ATRX: variants seen among roughly 807,000 people sequenced by gnomAD.
The protein encoded by ATRX is ATRX chromatin remodeler, also known as chromatin remodeler ATRX.
ATRX carries 12 observed loss-of-function variants against 172.6 expected under a neutral mutation model. That is an observed-to-expected ratio of 0.07 (90% confidence interval 0.04 to 0.11). ATRX has a LOEUF of 0.11. ATRX is among the 10% of genes least tolerant of loss of function. The probability of loss-of-function intolerance (pLI) is 1.00; values close to 1 mark genes in which losing one functional copy is unlikely to be tolerated. For synonymous variants in ATRX, 674 were observed against 594.7 expected, an observed-to-expected ratio of 1.13 and a Z score of -1.94; for missense variants, 1,368 against 1,767.4, an observed-to-expected ratio of 0.77 and a Z score of 4.05.
intron 34 of ATRX, among the ~76,000 whole-genome samples, chrX:77,513,955 C>G (rs968023959): frequency 2.7e-5 from 3 of 110,550 alleles, no homozygotes; most frequent in Non-Finnish European, 5.7e-5. Context: ...CATTCCTATA[C>G]ACCAACAAAA....
intron 15 of ATRX, among the ~76,000 whole-genome samples, chrX:77,637,027 AAGGAAGGAGG>A (rs1250428293): frequency 6.9e-5 from 7 of 101,808 alleles, no homozygotes; most frequent in Admixed American, 2.1e-4. Flanking sequence ...GAGGAAGAAG[AAGGAAGGAGG>A]AGGAAGGAGG....
chrX:77,626,039 A>G (rs1451828346), intron 19 of ATRX, among the ~76,000 whole-genome samples: 1 of 8,709 alleles, frequency 1.1e-4, no homozygotes, highest in African/African-American at 5.1e-4. Context: ...ATATATATAT[A>G]TATATATATA....
rs782052304 is a variant in ATRX at position 77,552,167 on chromosome X, G to A, written c.6699+5284C>T. On this transcript the variant is annotated intron_variant, in intron 30 of 34. Coordinates refer to ENST00000373344, the MANE Select transcript of ATRX (RefSeq NM_000489.6). Reference sequence around the variant, plus strand: ...ATCATGCTGCTAGAAAAACACATGCGCATGTATGTTTACTATTCACAATAG... The same window carrying A: ...ATCATGCTGCTAGAAAAACACATGCACATGTATGTTTACTATTCACAATAG... Among the ~76,000 whole-genome samples, 17 of 110,346 alleles carry A rather than the reference G, an allele frequency of 1.5e-4. No homozygotes were observed. The East Asian group carries it at 2.9e-3, about 19-fold the overall frequency.
At chrX:77,729,557 T>C (rs2074209960) in intron 1 of ATRX, among the ~76,000 whole-genome samples, 1 of 112,424 alleles carries the variant, frequency 8.9e-6, no homozygotes, top group Non-Finnish European at 1.9e-5. Context: ...ATCATTTTTC[T>C]AAGATTCTTC....
At chrX:77,717,035 A>T in intron 2 of ATRX, 96 bp downstream of exon 2, 2 of 736,520 alleles carry the variant, frequency 2.7e-6, no homozygotes, top group East Asian at 3.3e-5. Flanking sequence ...CTCTTTTAAA[A>T]GCTGCTCTCT....
chrX:77,741,262 C>T (rs1329347379), intron 1 of ATRX, among the ~76,000 whole-genome samples: 1 of 109,743 alleles, frequency 9.1e-6, no homozygotes, highest in Non-Finnish European at 1.9e-5. Context: ...CTATTGAAGG[C>T]CTTTGTTCAT....
chrX:77,555,711 G>T (rs781976548), intron 30 of ATRX, among the ~76,000 whole-genome samples: 78 of 110,248 alleles, frequency 7.1e-4, no homozygotes, highest in Admixed American at 3.9e-4. Flanking sequence ...GTCAGGGGGT[G>T]GGGGGAAAGG....
Position 77,765,220 on chromosome X carries a change from T to C in ATRX, c.20+20762A>G, listed in dbSNP as rs143741056. Among the ~76,000 whole-genome samples the C allele has an allele frequency of 2.3e-3, 262 of 111,827 alleles. 2 individuals are homozygous for C. The highest frequency in any genetic ancestry group is 7.9e-3 in the African/African-American group (245 of 30,874). ...ACAAAAAAACTATGTCAATGACAAA[T>C]TGCATACTCTTAGAAAACCCCCTTA... is the stretch of plus-strand genomic sequence containing the variant. On this transcript the variant is annotated intron_variant, in intron 1 of 34. Coordinates refer to ENST00000373344, the MANE Select transcript of ATRX (RefSeq NM_000489.6).
chrX:77,512,906 C>T (rs2062919707), intron 34 of ATRX, among the ~76,000 whole-genome samples: 2 of 110,637 alleles, frequency 1.8e-5, no homozygotes, highest in African/African-American at 6.6e-5. Context: ...AACATACAAC[C>T]ACAGAAAATT....
intron 2 of ATRX, chrX:77,699,611 T>C (rs1054743796): frequency 1.8e-5 from 2 of 111,284 alleles, no homozygotes; most frequent in Admixed American, 1.9e-4. Flanking sequence ...AAGAGGACAT[T>C]ACTACTAATC....
intron 19 of ATRX, among the ~76,000 whole-genome samples, chrX:77,623,769 A>C (rs2067695905): frequency 1.8e-5 from 2 of 111,961 alleles, no homozygotes; most frequent in South Asian, 7.4e-4. Context: ...AATAAATGTG[A>C]TACACCACAT....
At position 77,521,762 on chromosome X, in the gene ATRX, G is replaced by A. The variant is rs3027527; in HGVS notation, c.6976-264C>T. 1,178 of 266,203 alleles carry A rather than the reference G, an allele frequency of 4.4e-3. 15 individuals carry two copies. The highest frequency in any genetic ancestry group is 0.03 in the African/African-American group (1,103 of 36,277). 21.9% of individuals were successfully genotyped at this position (266,203 alleles called of 1,213,427 possible). A position where few individuals can be genotyped will look rare whatever the true frequency, so the allele number is the denominator to read the frequency against. ...AGAATCCATAAGCACATTTTATAAT[G>A]TGTTTCAGATTCAATTAAGTCATTA... On this transcript the variant is annotated intron_variant, in intron 32 of 34. Coordinates refer to ENST00000373344, the MANE Select transcript of ATRX (RefSeq NM_000489.6).
intron 1 of ATRX, among the ~76,000 whole-genome samples, chrX:77,726,547 C>A (rs2074049120): frequency 9.1e-6 from 1 of 109,794 alleles, no homozygotes; most frequent in African/African-American, 3.3e-5. Flanking sequence ...GGGTGCAGCA[C>A]ACCAACATGG....
rs782524787 is a variant in ATRX, at chrX:77,649,080, C to T, written c.4557+3034G>A. Among the ~76,000 whole-genome samples the T allele has an allele frequency of 1.6e-3, 181 of 110,458 alleles. 2 individuals are homozygous for T. The highest frequency in any genetic ancestry group is 5.6e-3 in the African/African-American group (171 of 30,357). On this transcript the variant is annotated intron_variant, in intron 15 of 34. Transcript: ENST00000373344. ...TTGGAAAGCTGAGGCAAGAGGATTG[C>T]TTGAGCCCAGGAGTTTGAGGCTGCA...
chrX:77,517,855 G>C (rs2063104991), intron 34 of ATRX, among the ~76,000 whole-genome samples: 1 of 112,021 alleles, frequency 8.9e-6, no homozygotes, highest in Non-Finnish European at 1.9e-5. Flanking sequence ...AGGGCTTCAA[G>C]GATGATTTAA....
At chrX:77,649,845 G>A (rs782315023) in intron 15 of ATRX, among the ~76,000 whole-genome samples, 4 of 112,087 alleles carry the variant, frequency 3.6e-5, no homozygotes, top group Non-Finnish European at 7.5e-5. Flanking sequence ...AAATTGCCCA[G>A]TCTTGGGTAT....
intron 2 of ATRX, among the ~76,000 whole-genome samples, chrX:77,709,334 C>T (rs2072994795): frequency 8.9e-6 from 1 of 111,776 alleles, no homozygotes; most frequent in South Asian, 3.7e-4. Flanking sequence ...AGTATTAACA[C>T]CCAGTGTTGG....
Position 77,682,404 on chromosome X carries a change from G to A in ATRX, c.2852C>T (p.Thr951Ile). 8.3e-7 allele frequency: 1 copy of A among 1,210,817 alleles called. No homozygotes were observed. Among genetic ancestry groups the A allele is most frequent in the African/African-American group, 1.7e-5 (1 of 57,555 alleles). ...ETKEKSKHLKTKTCKKVQDGL... is the reference protein window; with the variant it reads ...ETKEKSKHLKIKTCKKVQDGL... Reference sequence around the variant, plus strand: ...ATCCTGTACTTTTTTACATGTTTTGGTTTTGAGATGCTTGCTCTTTTCTTT... The same window carrying A: ...ATCCTGTACTTTTTTACATGTTTTGATTTTGAGATGCTTGCTCTTTTCTTT... The change falls in exon 9 of 35, where the codon ACC (threonine) becomes ATC (isoleucine). Residue 951 changes from threonine (T) to isoleucine (I), a missense_variant. Thr to Ile is a moderately conservative substitution (Grantham distance 89). Around this residue, in one of 17 missense-constraint regions of ATRX, gnomAD observed 843 missense variants for 643.1 expected, o/e 1.31. Coordinates refer to ENST00000373344, the MANE Select transcript of ATRX (RefSeq NM_000489.6).
chrX:77,590,715 G>C (rs1160546492), intron 26 of ATRX, among the ~76,000 whole-genome samples: 5 of 108,709 alleles, frequency 4.6e-5, no homozygotes, highest in Non-Finnish European at 9.5e-5. Flanking sequence ...ATGAAAAAAA[G>C]TGAACTTCAA....
Sources: gnomAD v4.1 joint callset for allele counts (sites outside exome capture counted in the v4.1 genomes callset) on GRCh38, gnomAD v4.1.1 for gene constraint, gnomAD v4.1.1 regional missense constraint, MANE v1.5 for transcripts, NCBI Gene and HGNC (gene_info 2026-07-23, HGNC 2026-07-21) for gene names.